Variants in HCN1 observed in about 807,000 individuals in gnomAD.
HCN1 encodes the protein hyperpolarization activated cyclic nucleotide gated potassium channel 1, also known as potassium/sodium hyperpolarization-activated cyclic nucleotide-gated channel 1.
Under a neutral mutation model 78.9 loss-of-function variants are expected in HCN1, and 13 were observed. That is an observed-to-expected ratio of 0.16 (90% confidence interval 0.11 to 0.26). The LOEUF (loss-of-function observed/expected upper bound fraction) is 0.26, where lower values mean the gene tolerates loss of function less well. Ranked by LOEUF, HCN1 falls within the 10% of genes least tolerant of loss-of-function variation. HCN1 has a pLI of 1.00. For missense variants in HCN1, 810 were observed against 1,154.3 expected (o/e 0.70, Z 4.32); for synonymous variants, 552 against 455.5 (o/e 1.21, Z -2.70).
chr5:45,298,288 C>T (rs1252938224), intron 6 of HCN1, among the ~76,000 whole-genome samples: 1 of 151,932 alleles, frequency 6.6e-6, no homozygotes, highest in Admixed American at 6.6e-5. Context: ...CTTGGTCTTC[C>T]ACATGAGCAT....
chr5:45,339,178 G>C (rs180815603), intron 5 of HCN1, among the ~76,000 whole-genome samples: 2 of 152,080 alleles, frequency 1.3e-5, no homozygotes, highest in Non-Finnish European at 2.9e-5. Flanking sequence ...AATATTTCAT[G>C]ACTTCCTACT....
Position 45,374,080 on chromosome 5 carries a change from T to C in HCN1, c.1231-20834A>G, listed in dbSNP as rs1286963679. Among the ~76,000 whole-genome samples, 16 of 109,274 alleles carry C rather than the reference T, an allele frequency of 1.5e-4. No individual in the cohort carries two copies. In the East Asian group the frequency reaches 2.4e-3, roughly 16 times the overall value. 71.7% of individuals were successfully genotyped at this position (109,274 alleles called of 152,430 possible). ...TTATATATATAATATATATAATATC[T>C]ATTACATATATGTATATAATATATA... On this transcript the variant is annotated intron_variant, in intron 4 of 7. Coordinates refer to ENST00000303230, the MANE Select transcript of HCN1 (RefSeq NM_021072.4).
intron 2 of HCN1, among the ~76,000 whole-genome samples, chr5:45,511,106 G>A (rs1561183253): frequency 6.6e-6 from 1 of 152,036 alleles, no homozygotes; most frequent in Admixed American, 6.6e-5. Flanking sequence ...CCAGTACCTA[G>A]ATGATGGTTT....
chr5:45,455,813 G>C (rs1270475229), intron 3 of HCN1, among the ~76,000 whole-genome samples: 1 of 147,302 alleles, frequency 6.8e-6, no homozygotes, highest in East Asian at 2.0e-4. Flanking sequence ...GCTTTTCAAT[G>C]CTTATACCTA....
At chr5:45,456,285 A>C (rs924485155) in intron 3 of HCN1, among the ~76,000 whole-genome samples, 2 of 152,062 alleles carry the variant, frequency 1.3e-5, no homozygotes, top group African/African-American at 4.8e-5. Flanking sequence ...CATTAAAACA[A>C]AAACTGTATA....
In HCN1 at chr5:45,260,565, A is replaced by G. The variant is rs542560662; in HGVS notation, c.*1356T>C. The G allele has an allele frequency of 5.9e-5, 9 of 152,592 alleles. No homozygotes were observed. Among genetic ancestry groups the G allele is most frequent in the African/African-American group, 2.2e-4 (9 of 41,582 alleles). The allele number at this position is 152,592 out of a possible 1,614,324, so 9.5% of individuals were successfully genotyped here. ...TAAAGTTTACTAACCATTTAGTTAC[A>G]ATATACATAGAGCAAAATGTGTGTT... On this transcript the variant is annotated 3_prime_UTR_variant, in exon 8 of 8. Transcript: ENST00000303230.
At chr5:45,366,900 T>C (rs1747249607) in intron 4 of HCN1, among the ~76,000 whole-genome samples, 1 of 151,822 alleles carries the variant, frequency 6.6e-6, no homozygotes, top group African/African-American at 2.4e-5. Context: ...TTATCAAGTC[T>C]GAATGATGTG....
At chr5:45,289,496 G>T (rs991179980) in intron 6 of HCN1, among the ~76,000 whole-genome samples, 1 of 151,978 alleles carries the variant, frequency 6.6e-6, no homozygotes, top group African/African-American at 2.4e-5. Context: ...TAACACAACA[G>T]AATAATAGTT....
In HCN1 at chr5:45,670,283, C is replaced by T. The variant is rs187173338; in HGVS notation, c.426-24675G>A. Among the ~76,000 whole-genome samples, 705 of 151,752 alleles carry T rather than the reference C, an allele frequency of 4.6e-3. 2 individuals carry two copies. The highest frequency in any genetic ancestry group is 6.6e-3 in the Non-Finnish European group (445 of 67,740). On this transcript the variant is annotated intron_variant, in intron 1 of 7. Coordinates refer to ENST00000303230, the MANE Select transcript of HCN1 (RefSeq NM_021072.4). The stretch of plus-strand genomic sequence containing the variant: ...ATCTCCAAATAACGCTTTACTGGAG[C>T]TTTTCATTTTTCTTCAATAATGAAA...
At chr5:45,508,031 T>C (rs1742342828) in intron 2 of HCN1, among the ~76,000 whole-genome samples, 1 of 152,034 alleles carries the variant, frequency 6.6e-6, no homozygotes, top group Non-Finnish European at 1.5e-5. Flanking sequence ...TATACACAAA[T>C]ATTGTCTACA....
At chr5:45,357,512 T>C (rs1464161579) in intron 4 of HCN1, among the ~76,000 whole-genome samples, 1 of 152,112 alleles carries the variant, frequency 6.6e-6, no homozygotes, top group Non-Finnish European at 1.5e-5. Context: ...CCGCCTCCTT[T>C]TCGTTGATCA....
rs137894287 is a variant in HCN1 at position 45,379,323 on chromosome 5, G to A, written c.1230+17169C>T. ...TTTAATGAGCTCTTTTCTATGATAC[G>A]CTCCTCTTAATGTGAAACACTATTT... On this transcript the variant is annotated intron_variant, in intron 4 of 7. Transcript: ENST00000303230. Among the ~76,000 whole-genome samples, 472 of 151,872 alleles carry A rather than the reference G, an allele frequency of 3.1e-3. 4 individuals are homozygous for A. The highest frequency in any genetic ancestry group is 1.5e-3 in the Non-Finnish European group (99 of 67,930).
chr5:45,472,163 A>C (rs796481059), intron 2 of HCN1, among the ~76,000 whole-genome samples: 89 of 152,032 alleles, frequency 5.9e-4, no homozygotes, highest in African/African-American at 2.0e-3. Context: ...ACCCTTTAAC[A>C]TGATTGATCA....
intron 2 of HCN1, among the ~76,000 whole-genome samples, chr5:45,505,681 G>C (rs960980553): frequency 1.3e-5 from 2 of 152,050 alleles, no homozygotes; most frequent in Non-Finnish European, 2.9e-5. Flanking sequence ...TATATATTTA[G>C]TTAAAAAATG....
intron 4 of HCN1, among the ~76,000 whole-genome samples, chr5:45,368,905 C>T (rs368257631): frequency 2.6e-5 from 4 of 151,922 alleles, no homozygotes; most frequent in South Asian, 2.1e-4. Context: ...TGAACATTTT[C>T]GTGAGAAATC....
chr5:45,359,419 AT>A (rs1229327297), intron 4 of HCN1, among the ~76,000 whole-genome samples: 1,718 of 144,550 alleles, frequency 0.012, 45 homozygotes, highest in African/African-American at 0.043. Flanking sequence ...AAAAAAAAAT[AT>A]ATATATATAT....
intron 2 of HCN1, 45 bp from the exon 3 acceptor site, chr5:45,462,052 G>C: frequency 2.0e-6 from 3 of 1,509,162 alleles, no homozygotes; most frequent in Non-Finnish European, 2.7e-6. Flanking sequence ...CAATTTTTTA[G>C]AAAAATCAAG....
At chr5:45,352,459 G>C (rs532881943) in intron 5 of HCN1, among the ~76,000 whole-genome samples, 2 of 151,998 alleles carry the variant, frequency 1.3e-5, no homozygotes, top group Admixed American at 1.3e-4. Context: ...CACCAGCATC[G>C]CACATGTATA....
intron 3 of HCN1, among the ~76,000 whole-genome samples, chr5:45,452,596 C>T (rs1740947388): frequency 6.6e-6 from 1 of 151,702 alleles, no homozygotes; most frequent in South Asian, 2.1e-4. Flanking sequence ...TCTGTTGTTC[C>T]CTAAAAGAGT....
Sources: allele counts gnomAD v4.1 joint callset (sites outside exome capture counted in the v4.1 genomes callset), GRCh38; gene constraint gnomAD v4.1.1; transcripts MANE v1.5; gene names NCBI Gene and HGNC (gene_info 2026-07-23, HGNC 2026-07-21).